The following MSH6 variants were observed in gnomAD, a reference collection of about 807,000 sequenced individuals.
The protein encoded by MSH6 is DNA mismatch repair protein Msh6.
MSH6 carries 85 observed loss-of-function variants against 119.1 expected under a neutral mutation model. The observed-to-expected ratio is 0.71, with a 90% CI of 0.60 to 0.85. The LOEUF (loss-of-function observed/expected upper bound fraction) is 0.85, where lower values mean the gene tolerates loss of function less well. MSH6 is among the 40% of genes least tolerant of loss of function. The pLI is 0.00. For missense variants in MSH6, 2,163 were observed against 1,655.3 expected, an observed-to-expected ratio of 1.31 and a Z score of -5.32; for synonymous variants, 830 against 586.9, an observed-to-expected ratio of 1.41 and a Z score of -5.99.
chr2:47,806,956 A>AT, downstream of MSH6: 1 of 952,076 alleles, frequency 1.1e-6, no homozygotes, highest in Admixed American at 2.0e-5. Context: ...AAAAATGACC[A>AT]TTTTTCCATT....
chr2:47,793,668 A>C (rs1319052671), intron 2 of MSH6, among the ~76,000 whole-genome samples: 1 of 151,908 alleles, frequency 6.6e-6, no homozygotes, highest in African/African-American at 2.4e-5. Context: ...AAGATCTCTC[A>C]TTGAACCAGA....
At chr2:47,808,296 T>C (rs560624817), downstream of MSH6, 5 of 1,612,520 alleles carry the variant, frequency 3.1e-6, no homozygotes, top group South Asian at 1.1e-5. Context: ...GGGAAAGTAA[T>C]TGGGTAATAT....
downstream of MSH6, chr2:47,808,138 T>G: frequency 6.2e-7 from 1 of 1,612,474 alleles, no homozygotes; most frequent in Non-Finnish European, 8.5e-7. Flanking sequence ...TGCAATGTAT[T>G]AGATTCTATA....
chr2:47,783,950 G>A, intron 1 of MSH6: 4 of 1,030,974 alleles, frequency 3.9e-6, no homozygotes, highest in Non-Finnish European at 4.7e-6. Flanking sequence ...GAGGCCGAAC[G>A]GGGAGAGTCC....
intron 1 of MSH6, chr2:47,784,648 G>A (rs1668237513): frequency 6.6e-6 from 1 of 152,102 alleles, no homozygotes; most frequent in Non-Finnish European, 1.5e-5. Context: ...TTTTAGTAGA[G>A]ACGGGGTTTC....
Position 47,793,317 on chromosome 2 carries a change from TC to T in MSH6, c.457+2195del, listed in dbSNP as rs1668856929. 1.3e-4 allele frequency among the ~76,000 whole-genome samples: 4 copies of T among 31,558 alleles called. No individual in the cohort carries two copies. In the South Asian group the frequency reaches 3.8e-3, roughly 30 times the overall value. The allele number at this position is 31,558 out of a possible 152,430, so 20.7% of individuals were successfully genotyped here. On this transcript the variant is annotated intron_variant, in intron 2 of 9. Transcript: ENST00000234420. Reference sequence around the variant, plus strand: ...ACCTGGGTGACAGAGCGAGACTGTCTCAAAAAAAAAAAAAAAAAAAAAAAAA... The same window carrying T: ...ACCTGGGTGACAGAGCGAGACTGTCTAAAAAAAAAAAAAAAAAAAAAAAAA...
intron 2 of MSH6, among the ~76,000 whole-genome samples, chr2:47,793,103 C>T (rs1668842945): frequency 6.6e-6 from 1 of 151,452 alleles, no homozygotes; most frequent in African/African-American, 2.4e-5. Flanking sequence ...GGTGGATCAC[C>T]TGAGGTCAGG....
chr2:47,795,513 T>G (rs1167165651), intron 2 of MSH6, among the ~76,000 whole-genome samples: 1 of 150,406 alleles, frequency 6.6e-6, no homozygotes, highest in Non-Finnish European at 1.5e-5. Flanking sequence ...TCGCCCAGGC[T>G]GGAGTGAAGT....
At position 47,806,751 on chromosome 2, in the gene MSH6, C is replaced by G. The variant is rs368259306; in HGVS notation, c.4002-28C>G. On this transcript the variant is annotated intron_variant, in intron 9 of 9. Transcript: ENST00000234420. The stretch of plus-strand genomic sequence containing the variant: ...GATGCACTATGAAAAAACAAAAAAA[C>G]TTTTTTTTTTTTTTTTTTAATTTTA... 18 of 1,444,646 alleles carry G rather than the reference C, an allele frequency of 1.2e-5. 1 individual carries two copies. Among genetic ancestry groups the G allele is most frequent in the Non-Finnish European group, 9.4e-7 (1 of 1,068,500 alleles). The allele number at this position is 1,444,646 out of a possible 1,614,324, so 89.5% of individuals were successfully genotyped here.
In MSH6 at chr2:47,803,685, G is replaced by C. The variant is rs1114167759; in HGVS notation, c.3438G>C (p.Gln1146His). The C allele has an allele frequency of 1.9e-6, 3 of 1,614,150 alleles. No homozygotes were observed. Among genetic ancestry groups the C allele is most frequent in the Non-Finnish European group, 2.5e-6 (3 of 1,180,022 alleles). ...GGGGCAAGTCTACGCTTATGAGACAGGTAACTGATTCTTAAAGTTTTGTTA... is the reference window on the plus strand; with the variant it reads ...GGGGCAAGTCTACGCTTATGAGACACGTAACTGATTCTTAAAGTTTTGTTA... ...NMGGKSTLMR[Q>H]AGLLAVMAQM... The change falls in exon 5 of 10, where the codon CAG (glutamine) becomes CAC (histidine). Residue 1146 changes from glutamine (Q) to histidine (H), a missense_variant and splice_region_variant. Physicochemically the swap from Gln to His is conservative, Grantham distance 24. Coordinates refer to ENST00000234420, the MANE Select transcript of MSH6 (RefSeq NM_000179.3).
At chr2:47,787,456 A>C (rs1228899365) in intron 1 of MSH6, among the ~76,000 whole-genome samples, 1 of 152,196 alleles carries the variant, frequency 6.6e-6, no homozygotes, top group Admixed American at 6.5e-5. Flanking sequence ...ATTACTTATT[A>C]TATCAAAGTT....
intron 5 of MSH6, 57 bp downstream of exon 5, chr2:47,803,742 A>T (rs1669779800): frequency 1.3e-6 from 2 of 1,598,920 alleles, no homozygotes; most frequent in Non-Finnish European, 1.7e-6. Flanking sequence ...TAGGAATAAC[A>T]TACTTAGGTG....
rs1181562053 is a variant in MSH6, at chr2:47,803,739, A to G, written c.3438+54A>G. The G allele has an allele frequency of 6.9e-6, 11 of 1,604,178 alleles. No homozygotes were observed. In the East Asian group the frequency reaches 2.0e-4, roughly 29 times the overall value. On this transcript the variant is annotated intron_variant, in intron 5 of 9. Transcript: ENST00000234420. The stretch of plus-strand genomic sequence containing the variant: ...GAAAGTCATTTGTGACATTAGGAAT[A>G]ACATACTTAGGTGATCATTTTCCAA...
At chr2:47,793,135 A>T (rs1269873154) in intron 2 of MSH6, among the ~76,000 whole-genome samples, 2 of 151,466 alleles carry the variant, frequency 1.3e-5, no homozygotes, top group African/African-American at 2.4e-5. Context: ...AGCCTGGCAA[A>T]CATGGTGAAA....
rs1558396466 is a variant in MSH6 at position 47,806,939 on chromosome 2, AT to A, written c.*85del. 2 of 1,105,902 alleles carry A rather than the reference AT, an allele frequency of 1.8e-6. No individual in the cohort carries two copies. Among genetic ancestry groups the A allele is most frequent in the Non-Finnish European group, 1.4e-6 (1 of 736,782 alleles). 68.5% of individuals were successfully genotyped at this position (1,105,902 alleles called of 1,614,324 possible). ...ACAACATTATGATCTAATAAACTTT[AT>A]TTTTTAAAAATGACCATTTTTCCAT... On this transcript the variant is annotated 3_prime_UTR_variant, in exon 10 of 10. Coordinates refer to ENST00000234420, the MANE Select transcript of MSH6 (RefSeq NM_000179.3).
At position 47,803,648 on chromosome 2, in the gene MSH6, G is replaced by C. The variant is rs1376398586; in HGVS notation, c.3401G>C (p.Gly1134Ala). 2 of 1,614,136 alleles carry C rather than the reference G, an allele frequency of 1.2e-6. No homozygotes were observed. The highest frequency in any genetic ancestry group is 2.2e-5 in the East Asian group (1 of 44,880). ...NGKAYCVLVT[G>A]PNMGGKSTLM... ...AAAGCCTATTGTGTGCTTGTTACTG[G>C]ACCAAATATGGGGGGCAAGTCTACG... Residue 1134 changes from glycine (G) to alanine (A), a missense_variant, in exon 5 of 10, where the codon GGA becomes GCA. Physicochemically the swap from Gly to Ala is moderately conservative, Grantham distance 60. Transcript: ENST00000234420.
At chr2:47,808,993 A>G, downstream of MSH6, 1 of 520,864 alleles carries the variant, frequency 1.9e-6, no homozygotes, top group South Asian at 2.6e-5. Context: ...CACCACGCCT[A>G]CCCACAGTTA....
At chr2:47,805,787 C>T (rs1669989830) in intron 7 of MSH6, 80 bp downstream of exon 7, 1 of 1,112,760 alleles carries the variant, frequency 9.0e-7, no homozygotes, top group African/African-American at 1.5e-5. Context: ...AGAAGATTAT[C>T]TGAAGTACAT....
At chr2:47,809,418 A>G, downstream of MSH6, 2 of 691,222 alleles carry the variant, frequency 2.9e-6, no homozygotes, top group South Asian at 2.1e-5. Context: ...TCAGCTAAGA[A>G]TAGAATTTTC....
Sources: allele counts gnomAD v4.1 joint callset (sites outside exome capture counted in the v4.1 genomes callset), GRCh38; gene constraint gnomAD v4.1.1; transcripts MANE v1.5; gene names NCBI Gene and HGNC (gene_info 2026-07-23, HGNC 2026-07-21).